HTR1E: variants seen among roughly 807,000 people sequenced by gnomAD.
The protein encoded by HTR1E is 5-hydroxytryptamine receptor 1E, also known as 5-HT-1E.
HTR1E carries 3 observed loss-of-function variants against 3.4 expected under a neutral mutation model. The ratio of observed to expected loss-of-function variants is 0.89; its 90% CI spans 0.41 to 2.31. The LOEUF is 2.31. HTR1E is among the 30% of genes most tolerant of loss of function. HTR1E has a pLI of 0.05. For missense variants in HTR1E, 392 were observed against 467.0 expected (o/e 0.84, Z 1.48); for synonymous variants, 170 against 182.8 (o/e 0.93, Z 0.56).
chr6:86,939,242 G>A (rs1768512874), intron 1 of HTR1E, among the ~76,000 whole-genome samples: 1 of 152,214 alleles, frequency 6.6e-6, no homozygotes. Context: ...AGCCCACGGA[G>A]TTGTGATGAT....
chr6:86,993,287 G>A (rs1482595022), intron 1 of HTR1E, among the ~76,000 whole-genome samples: 2 of 151,872 alleles, frequency 1.3e-5, no homozygotes, highest in Admixed American at 1.3e-4. Context: ...AAAAAAAGAT[G>A]GTATAAATGT....
In HTR1E at chr6:86,937,754, T is replaced by C. The variant is rs1398711224; in HGVS notation, c.-255T>C. 6.5e-6 allele frequency: 1 copy of C among 152,790 alleles called. No individual in the cohort carries two copies. The highest frequency in any genetic ancestry group is 2.1e-4 in the South Asian group (1 of 4,826). The allele number at this position is 152,790 out of a possible 1,614,324, so 9.5% of individuals were successfully genotyped here. On this transcript the variant is annotated 5_prime_UTR_variant, in exon 1 of 2. Transcript: ENST00000305344. ...AGGAGAAAAAGGAGCGGGTTCCGAG[T>C]GAGACTTCTGGAGCCAGCTGGACGT... is the stretch of plus-strand genomic sequence containing the variant.
At chr6:86,985,485 G>A (rs571952140) in intron 1 of HTR1E, among the ~76,000 whole-genome samples, 5 of 152,208 alleles carry the variant, frequency 3.3e-5, no homozygotes, top group Admixed American at 2.6e-4. Context: ...TTAATTAAGT[G>A]TAAGGAATGT....
At chr6:87,005,323 A>G (rs1158964444) in intron 1 of HTR1E, among the ~76,000 whole-genome samples, 2 of 152,340 alleles carry the variant, frequency 1.3e-5, no homozygotes, top group African/African-American at 2.4e-5. Flanking sequence ...GAATAACATT[A>G]CTTGATTTCA....
intron 1 of HTR1E, among the ~76,000 whole-genome samples, chr6:86,971,429 T>C (rs60784651): frequency 0.019 from 2,831 of 152,278 alleles, 109 homozygotes; most frequent in East Asian, 0.15. Context: ...ATATGAGCAA[T>C]TACTCTGATT....
intron 1 of HTR1E, among the ~76,000 whole-genome samples, chr6:87,002,954 C>A (rs1434626919): frequency 6.6e-6 from 1 of 152,010 alleles, no homozygotes; most frequent in African/African-American, 2.4e-5. Flanking sequence ...CAGATTTAAT[C>A]TGCACTATAG....
chr6:86,938,258 A>G (rs1476461250), intron 1 of HTR1E, among the ~76,000 whole-genome samples: 1 of 152,212 alleles, frequency 6.6e-6, no homozygotes, highest in Non-Finnish European at 1.5e-5. Context: ...GCTGATTAAA[A>G]AACCTTTGAT....
rs1246221543 is a variant in HTR1E, at chr6:86,960,504, TGGTG to T, written c.-186+22682_-186+22685del. On this transcript the variant is annotated intron_variant, in intron 1 of 1. Transcript: ENST00000305344. Reference sequence around the variant, plus strand: ...TATTTGGGGTTTACATTATTCCACCTGGTGAACTTCACCAGTTAGACTCCATTTA... The same window carrying T: ...TATTTGGGGTTTACATTATTCCACCTAACTTCACCAGTTAGACTCCATTTA... 1.8e-3 allele frequency among the ~76,000 whole-genome samples: 278 copies of T among 152,328 alleles called. 2 individuals carry two copies. The highest frequency in any genetic ancestry group is 0.01 in the Middle Eastern group (3 of 294).
chr6:86,979,000 T>C (rs1767676421), intron 1 of HTR1E, among the ~76,000 whole-genome samples: 1 of 152,218 alleles, frequency 6.6e-6, no homozygotes. Context: ...GACAGCAATG[T>C]ACCTTTGAGT....
chr6:86,959,384 G>A (rs1014170616), intron 1 of HTR1E, among the ~76,000 whole-genome samples: 4 of 152,122 alleles, frequency 2.6e-5, no homozygotes, highest in Non-Finnish European at 5.9e-5. Flanking sequence ...TTCGAGACCA[G>A]CCTGGGCAAC....
At chr6:86,970,927 T>C in intron 1 of HTR1E, 1 of 314,644 alleles carries the variant, frequency 3.2e-6, no homozygotes, top group Non-Finnish European at 6.1e-6. Context: ...ACAACAGTGG[T>C]TATGGCAAAG....
chr6:86,966,375 A>G lies in HTR1E; in HGVS notation c.-186+28552A>G, dbSNP rs150973393. ...TAAGGAAACTCTCCATCCAGTTATT[A>G]GCATCATCCAATGACTGAGGCACTG... On this transcript the variant is annotated intron_variant, in intron 1 of 1. Coordinates refer to ENST00000305344, the MANE Select transcript of HTR1E (RefSeq NM_000865.3). Among the ~76,000 whole-genome samples the G allele has an allele frequency of 1.6e-4, 24 of 152,354 alleles. No individual in the cohort carries two copies. The East Asian group carries it at 4.6e-3, about 29-fold the overall frequency.
At chr6:87,008,604 T>C (rs1030898806) in intron 1 of HTR1E, among the ~76,000 whole-genome samples, 5 of 152,308 alleles carry the variant, frequency 3.3e-5, no homozygotes, top group Admixed American at 2.0e-4. Flanking sequence ...AAAGCAGCCA[T>C]TCTCTGTGGG....
intron 1 of HTR1E, among the ~76,000 whole-genome samples, chr6:87,000,614 G>A (rs1192050926): frequency 1.3e-5 from 2 of 152,140 alleles, no homozygotes; most frequent in African/African-American, 2.4e-5. Flanking sequence ...AATGCTGAAA[G>A]AAAATAACTT....
intron 1 of HTR1E, among the ~76,000 whole-genome samples, chr6:87,003,300 G>T (rs1213015790): frequency 6.6e-6 from 1 of 152,142 alleles, no homozygotes; most frequent in Non-Finnish European, 1.5e-5. Context: ...CACTTTGGGA[G>T]GCCAAGGCTG....
intron 1 of HTR1E, among the ~76,000 whole-genome samples, chr6:86,954,536 T>A (rs536592593): frequency 0.011 from 1,606 of 152,306 alleles, 17 homozygotes; most frequent in Non-Finnish European, 0.017. Flanking sequence ...TATTTCTGGA[T>A]GGGGAGCCAC....
At chr6:86,982,635 T>C (rs1767731208) in intron 1 of HTR1E, among the ~76,000 whole-genome samples, 1 of 152,196 alleles carries the variant, frequency 6.6e-6, no homozygotes, top group South Asian at 2.1e-4. Flanking sequence ...ACAAAAGATC[T>C]TTAAGGTCCT....
intron 1 of HTR1E, among the ~76,000 whole-genome samples, chr6:86,959,928 T>C (rs1278918556): frequency 6.6e-6 from 1 of 152,186 alleles, no homozygotes; most frequent in African/African-American, 2.4e-5. Flanking sequence ...TCTTCCTTAG[T>C]GCCACTATAT....
At chr6:86,947,876 A>G (rs1390289437) in intron 1 of HTR1E, among the ~76,000 whole-genome samples, 1 of 152,064 alleles carries the variant, frequency 6.6e-6, no homozygotes, top group East Asian at 1.9e-4. Context: ...CTTTTTTTAA[A>G]AAATTTTACT....
Sources: allele counts gnomAD v4.1 joint callset (sites outside exome capture counted in the v4.1 genomes callset), GRCh38; gene constraint gnomAD v4.1.1; transcripts MANE v1.5; gene names NCBI Gene and HGNC (gene_info 2026-07-23, HGNC 2026-07-21).